Variants in PDE1A observed in about 807,000 individuals in gnomAD.
PDE1A encodes the protein phosphodiesterase 1A.
A neutral mutation model predicts 61.7 loss-of-function variants in PDE1A; 35 were observed. The ratio of observed to expected loss-of-function variants is 0.57; its 90% CI spans 0.43 to 0.75. The LOEUF (loss-of-function observed/expected upper bound fraction) is 0.75. Ranked by LOEUF, PDE1A falls within the 30% of genes least tolerant of loss-of-function variation. The probability of loss-of-function intolerance (pLI) is 0.00; values close to 1 mark genes in which losing one functional copy is unlikely to be tolerated. For synonymous variants in PDE1A, 232 were observed against 213.2 expected (o/e 1.09, Z -0.77); for missense variants, 597 against 630.6 (o/e 0.95, Z 0.57).
the PDE1A span, among the ~76,000 whole-genome samples, chr2:182,569,254 AATATATAT>A: frequency 7.2e-6 from 1 of 138,538 alleles, no homozygotes; most frequent in Non-Finnish European, 1.6e-5. Flanking sequence ...ACCTGTCTCA[AATATATAT>A]ATATATATAT....
At chr2:182,647,492 T>C in the PDE1A span, among the ~76,000 whole-genome samples, 4 of 152,214 alleles carry the variant, frequency 2.6e-5, no homozygotes, top group Non-Finnish European at 4.4e-5. Flanking sequence ...AAGAGCCTCA[T>C]GGAATTCAAT....
intron 1 of PDE1A, among the ~76,000 whole-genome samples, chr2:182,343,721 G>A (rs1029910384): frequency 2.0e-5 from 3 of 152,032 alleles, no homozygotes; most frequent in Non-Finnish European, 4.4e-5. Context: ...TACCATTTAT[G>A]ATTTCTTATA....
chr2:182,709,032 T>C, the PDE1A span, among the ~76,000 whole-genome samples: 5 of 152,218 alleles, frequency 3.3e-5, no homozygotes, highest in Non-Finnish European at 5.9e-5. Flanking sequence ...TATTTACATT[T>C]GAGTATCTTT....
intron 8 of PDE1A, among the ~76,000 whole-genome samples, chr2:182,203,157 TACAA>T (rs1168272800): frequency 6.6e-6 from 1 of 150,674 alleles, no homozygotes; most frequent in Non-Finnish European, 1.5e-5. Context: ...CTACTAAAAA[TACAA>T]AAAAAAAAAT....
At chr2:182,221,039 A>C (rs1688680426) in intron 7 of PDE1A, among the ~76,000 whole-genome samples, 1 of 151,904 alleles carries the variant, frequency 6.6e-6, no homozygotes, top group African/African-American at 2.4e-5. Flanking sequence ...AATTGAAAAA[A>C]ACATGATTCT....
chr2:182,204,192 A>G (rs1686901392), intron 8 of PDE1A, among the ~76,000 whole-genome samples: 1 of 152,236 alleles, frequency 6.6e-6, no homozygotes, highest in African/African-American at 2.4e-5. Context: ...GATTAAGAAA[A>G]TAAACTAATA....
At chr2:182,485,359 T>C (rs542184184) in intron 2 of PDE1A, among the ~76,000 whole-genome samples, 1 of 152,068 alleles carries the variant, frequency 6.6e-6, no homozygotes, top group South Asian at 2.1e-4. Flanking sequence ...CACTGGGGTC[T>C]ACCTGAGGGC....
At chr2:182,408,928 G>A (rs1015508382) in intron 1 of PDE1A, among the ~76,000 whole-genome samples, 1 of 152,190 alleles carries the variant, frequency 6.6e-6, no homozygotes, top group African/African-American at 2.4e-5. Context: ...CTGATTATCG[G>A]TATGGTGAAG....
chr2:182,585,524 A>G, the PDE1A span, among the ~76,000 whole-genome samples: 1 of 152,134 alleles, frequency 6.6e-6, no homozygotes, highest in Non-Finnish European at 1.5e-5. Flanking sequence ...CAGAACTCTT[A>G]AAAAAATTGA....
the PDE1A span, among the ~76,000 whole-genome samples, chr2:182,596,377 C>T: frequency 6.6e-6 from 1 of 152,172 alleles, no homozygotes; most frequent in Non-Finnish European, 1.5e-5. Flanking sequence ...CTGAGGCACA[C>T]ATGAGACATA....
At chr2:182,290,854 C>T (rs1206815078) in intron 1 of PDE1A, among the ~76,000 whole-genome samples, 1 of 151,944 alleles carries the variant, frequency 6.6e-6, no homozygotes, top group Non-Finnish European at 1.5e-5. Context: ...ACTTCACCTT[C>T]CATAACCCCA....
chr2:182,522,546 A>G (rs904546848), intron 1 of PDE1A: 30 of 1,436,066 alleles, frequency 2.1e-5, no homozygotes, highest in Non-Finnish European at 2.7e-5. Context: ...ATTGACTTTG[A>G]CAGGCATATA....
At chr2:182,397,048 G>A (rs903543167) in intron 1 of PDE1A, among the ~76,000 whole-genome samples, 10 of 152,204 alleles carry the variant, frequency 6.6e-5, no homozygotes, top group Non-Finnish European at 1.3e-4. Flanking sequence ...ATAGATAATT[G>A]AGGTCATTTA....
chr2:182,701,877 A>G, the PDE1A span, among the ~76,000 whole-genome samples: 2,160 of 152,292 alleles, frequency 0.014, 127 homozygotes, highest in Admixed American at 0.11. Flanking sequence ...AACAAGATCA[A>G]TTTTAATCAT....
intron 2 of PDE1A, among the ~76,000 whole-genome samples, chr2:182,441,782 A>T (rs1349159824): frequency 1.3e-5 from 2 of 152,038 alleles, no homozygotes; most frequent in African/African-American, 4.8e-5. Flanking sequence ...AGAACATACA[A>T]ATGAGCTTGA....
At chr2:182,384,493 T>TAAAAG (rs1361946602) in intron 1 of PDE1A, among the ~76,000 whole-genome samples, 1 of 130,058 alleles carries the variant, frequency 7.7e-6, no homozygotes, top group African/African-American at 3.1e-5. Flanking sequence ...AATAATAAAA[T>TAAAAG]AGAAATCCAG....
At chr2:182,489,846 A>G (rs906187603) in intron 2 of PDE1A, among the ~76,000 whole-genome samples, 3 of 152,184 alleles carry the variant, frequency 2.0e-5, no homozygotes, top group Non-Finnish European at 4.4e-5. Flanking sequence ...TGCAGATATA[A>G]ATGTGGCACT....
the PDE1A span, among the ~76,000 whole-genome samples, chr2:182,543,801 C>T: frequency 6.6e-6 from 1 of 151,996 alleles, no homozygotes; most frequent in African/African-American, 2.4e-5. Flanking sequence ...TATAATTTAA[C>T]TGAAATGCTC....
the PDE1A span, among the ~76,000 whole-genome samples, chr2:182,572,575 C>T: frequency 1.3e-5 from 2 of 152,102 alleles, no homozygotes; most frequent in Non-Finnish European, 2.9e-5. Flanking sequence ...TTTATAAGGC[C>T]TACAGTGTTT....
Sources: allele counts gnomAD v4.1 joint callset (sites outside exome capture counted in the v4.1 genomes callset), GRCh38; gene constraint gnomAD v4.1.1; transcripts MANE v1.5; gene names NCBI Gene and HGNC (gene_info 2026-07-23, HGNC 2026-07-21).